Variants in ADGRL3 observed in about 807,000 individuals in gnomAD.
ADGRL3 encodes the protein calcium-independent alpha-latrotoxin receptor 3.
In ADGRL3, 62 loss-of-function variants were observed where a neutral mutation model predicts 153.5. That is an observed-to-expected ratio of 0.40 (90% CI 0.33 to 0.50). ADGRL3 has a LOEUF of 0.50. ADGRL3 is among the 20% of genes least tolerant of loss of function. The pLI is 0.47. For missense variants in ADGRL3, 1,641 were observed against 1,859.4 expected (o/e 0.88, Z 2.16); for synonymous variants, 710 against 672.5 (o/e 1.06, Z -0.86).
intron 1 of ADGRL3, among the ~76,000 whole-genome samples, chr4:61,229,883 A>T (rs1749802706): frequency 1.3e-5 from 1 of 74,254 alleles, no homozygotes; most frequent in African/African-American, 5.1e-5. Flanking sequence ...CCTGGATGAC[A>T]GAGTGAGACC....
At chr4:61,796,538 C>A (rs2152460184) in intron 8 of ADGRL3, among the ~76,000 whole-genome samples, 1 of 152,262 alleles carries the variant, frequency 6.6e-6, no homozygotes, top group East Asian at 1.9e-4. Flanking sequence ...TGGAGAATCA[C>A]TGGCTGTATA....
At chr4:61,969,483 A>G (rs2099019014) in intron 17 of ADGRL3, among the ~76,000 whole-genome samples, 2 of 151,726 alleles carry the variant, frequency 1.3e-5, no homozygotes, top group African/African-American at 2.4e-5. Context: ...GGATCGTTCT[A>G]TGTATTTTTA....
chr4:61,984,644 AAAAC>A (rs1035769949), intron 19 of ADGRL3, among the ~76,000 whole-genome samples: 45 of 152,152 alleles, frequency 3.0e-4, no homozygotes, highest in African/African-American at 1.1e-3. Context: ...GTAAAAAACA[AAAAC>A]AAACAAAAGA....
At chr4:61,970,775 T>G (rs1358924828) in intron 17 of ADGRL3, among the ~76,000 whole-genome samples, 1 of 152,190 alleles carries the variant, frequency 6.6e-6, no homozygotes, top group Admixed American at 6.5e-5. Context: ...ATTGTCCTTC[T>G]TACTGGGTTA....
intron 13 of ADGRL3, among the ~76,000 whole-genome samples, chr4:61,927,846 ATTTTG>A (rs1186582332): frequency 6.6e-6 from 1 of 151,964 alleles, no homozygotes; most frequent in African/African-American, 2.4e-5. Flanking sequence ...ATTAAAGAAA[ATTTTG>A]TTTTTATTAT....
intron 1 of ADGRL3, among the ~76,000 whole-genome samples, chr4:61,300,956 G>A (rs2094564732): frequency 6.6e-6 from 1 of 151,882 alleles, no homozygotes; most frequent in African/African-American, 2.4e-5. Context: ...GTAGAGACGG[G>A]GTTTCACCAT....
chr4:61,274,065 A>G (rs1020650177), intron 1 of ADGRL3, among the ~76,000 whole-genome samples: 18 of 152,196 alleles, frequency 1.2e-4, no homozygotes, highest in Non-Finnish European at 1.5e-5. Context: ...AACATAATAA[A>G]TGAGCAAAGG....
intron 17 of ADGRL3, among the ~76,000 whole-genome samples, chr4:61,960,796 C>T (rs986292756): frequency 4.6e-5 from 7 of 152,008 alleles, no homozygotes; most frequent in African/African-American, 7.2e-5. Context: ...CTGCAAGCTC[C>T]GCCTCCCAGG....
At position 61,867,515 on chromosome 4, in the gene ADGRL3, C is replaced by CATATATATATATATGTATAT. The variant is rs1554050809; in HGVS notation, c.1481-25127_1481-25126insGTATATATATATATATATAT. Among the ~76,000 whole-genome samples, 42 of 81,158 alleles carry CATATATATATATATGTATAT rather than the reference C, an allele frequency of 5.2e-4. 1 individual carries two copies. In the East Asian group the frequency reaches 0.011, roughly 22 times the overall value. 53.2% of individuals were successfully genotyped at this position (81,158 alleles called of 152,430 possible). On this transcript the variant is annotated intron_variant, in intron 9 of 26. Transcript: ENST00000683033. ...ACCCTGTCTCAAAAAAATATATATG[C>CATATATATATATATGTATAT]ATATATATATATATATATATATATA...
intron 3 of ADGRL3, among the ~76,000 whole-genome samples, chr4:61,512,434 A>T (rs1191475690): frequency 6.6e-6 from 1 of 152,134 alleles, no homozygotes; most frequent in South Asian, 2.1e-4. Flanking sequence ...GGCTTCGTCC[A>T]TAGGCATTTT....
At chr4:61,960,870 G>A (rs2098985192) in intron 17 of ADGRL3, among the ~76,000 whole-genome samples, 2 of 151,728 alleles carry the variant, frequency 1.3e-5, no homozygotes, top group Non-Finnish European at 1.5e-5. Context: ...CCACCACACC[G>A]AGCTAATTTT....
chr4:61,258,208 A>G (rs986195002), intron 1 of ADGRL3, among the ~76,000 whole-genome samples: 3 of 152,152 alleles, frequency 2.0e-5, no homozygotes, highest in Admixed American at 6.5e-5. Flanking sequence ...CCTCTTTCTT[A>G]CAACAGCAAA....
intron 11 of ADGRL3, among the ~76,000 whole-genome samples, chr4:61,900,388 C>A (rs771064447): frequency 1.3e-5 from 2 of 152,006 alleles, no homozygotes; most frequent in African/African-American, 2.4e-5. Context: ...ATTTGAGTCA[C>A]TCATGTACTG....
intron 1 of ADGRL3, among the ~76,000 whole-genome samples, chr4:61,296,827 A>G (rs1194343072): frequency 1.3e-5 from 2 of 152,206 alleles, no homozygotes; most frequent in Non-Finnish European, 2.9e-5. Flanking sequence ...TTACTTCGTG[A>G]AAGAAGCAAT....
In ADGRL3 at chr4:61,550,240, T is replaced by C. The variant is rs1480008503; in HGVS notation, c.259+32722T>C. ...GGAATAATTTTACTTTGGGATCCAG[T>C]TGAGGTCAAGAACATAGGTAGGTTA... On this transcript the variant is annotated intron_variant, in intron 4 of 26. Coordinates refer to ENST00000683033, the MANE Select transcript of ADGRL3 (RefSeq NM_001387552.1). Among the ~76,000 whole-genome samples the C allele has an allele frequency of 6.6e-5, 10 of 151,912 alleles. No individual in the cohort carries two copies. In the South Asian group the frequency reaches 1.9e-3, roughly 28 times the overall value.
At position 61,550,394 on chromosome 4, in the gene ADGRL3, C is replaced by A. The variant is rs187630869; in HGVS notation, c.259+32876C>A. Among the ~76,000 whole-genome samples, 3 of 152,116 alleles carry A rather than the reference C, an allele frequency of 2.0e-5. No individual in the cohort carries two copies. In the East Asian group the frequency reaches 5.8e-4, roughly 29 times the overall value. On this transcript the variant is annotated intron_variant, in intron 4 of 26. Coordinates refer to ENST00000683033, the MANE Select transcript of ADGRL3 (RefSeq NM_001387552.1). ...TGATAAATTAAAATAATTCACTTTT[C>A]TTAAGAAAGACAATTTTGAACTTGT...
At chr4:61,859,421 A>G (rs2098316108) in intron 9 of ADGRL3, among the ~76,000 whole-genome samples, 1 of 152,124 alleles carries the variant, frequency 6.6e-6, no homozygotes, top group South Asian at 2.1e-4. Flanking sequence ...ATTTTGTTAT[A>G]CTCCAGTCAT....
chr4:61,945,802 G>A (rs1421409486), intron 15 of ADGRL3, among the ~76,000 whole-genome samples: 1 of 151,714 alleles, frequency 6.6e-6, no homozygotes, highest in Non-Finnish European at 1.5e-5. Context: ...GCTCGCGCAC[G>A]GTGCGCACAC....
intron 1 of ADGRL3, among the ~76,000 whole-genome samples, chr4:61,256,087 A>ACACTTTTT (rs1202403311): frequency 9.9e-5 from 15 of 152,164 alleles, no homozygotes. Flanking sequence ...GGGGACTGAA[A>ACACTTTTT]CACTTTTTCA....
Sources: allele counts gnomAD v4.1 joint callset (sites outside exome capture counted in the v4.1 genomes callset), GRCh38; gene constraint gnomAD v4.1.1; transcripts MANE v1.5; gene names NCBI Gene and HGNC (gene_info 2026-07-23, HGNC 2026-07-21).